The following GRIA1 variants were observed in gnomAD, a reference collection of about 807,000 sequenced individuals.
GRIA1 encodes the protein glutamate ionotropic receptor AMPA type subunit 1.
GRIA1 carries 31 observed loss-of-function variants against 99.2 expected under a neutral mutation model. The observed-to-expected ratio is 0.31, with a 90% CI of 0.23 to 0.42. The LOEUF (loss-of-function observed/expected upper bound fraction) is 0.42. Among genes scored for constraint, GRIA1 ranks in the 10% least tolerant of loss-of-function variants. The pLI is 1.00. For synonymous variants in GRIA1, 438 were observed against 432.4 expected, an observed-to-expected ratio of 1.01 and a Z score of -0.16; for missense variants, 782 against 1,157.5, an observed-to-expected ratio of 0.68 and a Z score of 4.71.
At chr5:153,589,093 C>T (rs1763743128) in intron 2 of GRIA1, among the ~76,000 whole-genome samples, 1 of 152,080 alleles carries the variant, frequency 6.6e-6, no homozygotes, top group Non-Finnish European at 1.5e-5. Context: ...CCTCTCTGAG[C>T]TTTTGATTTG....
chr5:153,802,830 G>C (rs1581683107), intron 15 of GRIA1, among the ~76,000 whole-genome samples: 1 of 152,320 alleles, frequency 6.6e-6, no homozygotes, highest in African/African-American at 2.4e-5. Flanking sequence ...AGTTTCATCA[G>C]AAGTGTGGCT....
chr5:153,553,942 C>T (rs907661164), intron 2 of GRIA1, among the ~76,000 whole-genome samples: 2 of 152,124 alleles, frequency 1.3e-5, no homozygotes, highest in South Asian at 4.1e-4. Context: ...GACTAGCTAC[C>T]TACTGTAATA....
chr5:153,585,371 C>T (rs1242731172), intron 2 of GRIA1, among the ~76,000 whole-genome samples: 1 of 129,168 alleles, frequency 7.7e-6, no homozygotes, highest in Non-Finnish European at 1.6e-5. Context: ...TACACTGTCG[C>T]GATCTCAGCT....
chr5:153,755,579 G>A (rs1303290580), intron 11 of GRIA1: 3 of 152,234 alleles, frequency 2.0e-5, no homozygotes, highest in Non-Finnish European at 4.4e-5. Flanking sequence ...GCCCAGATTG[G>A]AGTTGGAGCA....
At chr5:153,732,696 T>C (rs1761124738) in intron 11 of GRIA1, among the ~76,000 whole-genome samples, 1 of 152,102 alleles carries the variant, frequency 6.6e-6, no homozygotes, top group African/African-American at 2.4e-5. Context: ...TTTGATTGCT[T>C]CCTTTGATGT....
At chr5:153,704,106 T>G (rs773759777) in intron 10 of GRIA1, among the ~76,000 whole-genome samples, 11 of 152,242 alleles carry the variant, frequency 7.2e-5, no homozygotes, top group Non-Finnish European at 1.5e-4. Flanking sequence ...GAAAACTTAA[T>G]TCATCCTGAA....
At chr5:153,622,346 T>C (rs2149423939) in intron 2 of GRIA1, among the ~76,000 whole-genome samples, 1 of 152,312 alleles carries the variant, frequency 6.6e-6, no homozygotes, top group Non-Finnish European at 1.5e-5. Flanking sequence ...CATCTAAGTC[T>C]CTGAAGGGCT....
chr5:153,541,071 T>A (rs1284575183), intron 2 of GRIA1, among the ~76,000 whole-genome samples: 2 of 152,214 alleles, frequency 1.3e-5, no homozygotes, highest in African/African-American at 4.8e-5. Flanking sequence ...TTCTTGAGCA[T>A]ACCTCTACTT....
At chr5:153,534,561 T>G (rs1758387441) in intron 2 of GRIA1, among the ~76,000 whole-genome samples, 1 of 152,216 alleles carries the variant, frequency 6.6e-6, no homozygotes, top group Non-Finnish European at 1.5e-5. Context: ...ATGTCTTGCC[T>G]GAAAATGTAA....
intron 8 of GRIA1, among the ~76,000 whole-genome samples, chr5:153,694,065 C>A (rs539307058): frequency 7.9e-5 from 12 of 152,160 alleles, no homozygotes; most frequent in Non-Finnish European, 1.3e-4. Flanking sequence ...GGTTTGTTTA[C>A]AATTTCTAAC....
intron 4 of GRIA1, among the ~76,000 whole-genome samples, chr5:153,653,825 G>T (rs1040242141): frequency 2.6e-5 from 4 of 152,164 alleles, no homozygotes; most frequent in African/African-American, 9.7e-5. Context: ...TTTGTTGAAT[G>T]GATTAATTAG....
intron 2 of GRIA1, among the ~76,000 whole-genome samples, chr5:153,588,667 T>A (rs1763708825): frequency 1.3e-5 from 2 of 152,312 alleles, no homozygotes; most frequent in African/African-American, 2.4e-5. Flanking sequence ...AAAGTTTAAA[T>A]CAGATAATTA....
At chr5:153,515,177 A>C (rs557591435) in intron 2 of GRIA1, among the ~76,000 whole-genome samples, 38 of 152,304 alleles carry the variant, frequency 2.5e-4, no homozygotes, top group African/African-American at 8.9e-4. Context: ...CTGCACTCTC[A>C]TGTTCATTGC....
At chr5:153,810,002 A>G (rs1766706368) in intron 15 of GRIA1, among the ~76,000 whole-genome samples, 1 of 152,192 alleles carries the variant, frequency 6.6e-6, no homozygotes. Context: ...GGAAAGTTTG[A>G]GATGGACAGT....
chr5:153,609,557 T>C (rs79755879), intron 2 of GRIA1, among the ~76,000 whole-genome samples: 1 of 12,376 alleles, frequency 8.1e-5, no homozygotes, highest in Non-Finnish European at 3.3e-4. Flanking sequence ...ACTCTTTTCT[T>C]TTTTTTTTTT....
chr5:153,677,500 C>A (rs1279814340), intron 7 of GRIA1, among the ~76,000 whole-genome samples: 1 of 152,232 alleles, frequency 6.6e-6, no homozygotes, highest in Non-Finnish European at 1.5e-5. Flanking sequence ...AAACACTCCC[C>A]TCTTGCCCTG....
At chr5:153,605,156 C>T (rs899006862) in intron 2 of GRIA1, among the ~76,000 whole-genome samples, 1 of 150,160 alleles carries the variant, frequency 6.7e-6, no homozygotes, top group East Asian at 1.9e-4. Flanking sequence ...CACTGCACTC[C>T]AGCCTGGGTG....
chr5:153,567,212 G>C (rs1296112597), intron 2 of GRIA1, among the ~76,000 whole-genome samples: 1 of 152,128 alleles, frequency 6.6e-6, no homozygotes, highest in Non-Finnish European at 1.5e-5. Flanking sequence ...CTAGACACTG[G>C]TGATATGTCA....
intron 10 of GRIA1, among the ~76,000 whole-genome samples, chr5:153,702,573 A>G (rs918858181): frequency 3.3e-5 from 5 of 152,186 alleles, no homozygotes; most frequent in African/African-American, 9.7e-5. Flanking sequence ...TCTAGACATC[A>G]CGTATTTTGT....
Sources: allele counts gnomAD v4.1 joint callset (sites outside exome capture counted in the v4.1 genomes callset), GRCh38; gene constraint gnomAD v4.1.1; transcripts MANE v1.5; gene names NCBI Gene and HGNC (gene_info 2026-07-23, HGNC 2026-07-21).